Variants in SLC9A6 observed in about 807,000 individuals in gnomAD.
SLC9A6 encodes the protein sodium/hydrogen exchanger 6.
In SLC9A6, 6 loss-of-function variants were observed where a neutral mutation model predicts 45.3. That is an observed-to-expected ratio of 0.13 (90% confidence interval 0.07 to 0.26). The LOEUF is 0.26. Ranked by LOEUF, SLC9A6 falls within the 10% of genes least tolerant of loss-of-function variation. The pLI, the probability that SLC9A6 is intolerant of heterozygous loss-of-function variation, is 1.00. For missense variants in SLC9A6, 278 were observed against 503.7 expected, an observed-to-expected ratio of 0.55 and a Z score of 4.29; for synonymous variants, 191 against 187.7, an observed-to-expected ratio of 1.02 and a Z score of -0.14.
At chrX:136,024,188 G>A in intron 12 of SLC9A6, 142 bp from the exon 13 acceptor site, 1 of 614,017 alleles carries the variant, frequency 1.6e-6, no homozygotes. Context: ...TGCACAGCCT[G>A]GACATATTTA....
At chrX:136,044,173 A>G (rs782246040) in intron 17 of SLC9A6, among the ~76,000 whole-genome samples, 1 of 111,402 alleles carries the variant, frequency 9.0e-6, no homozygotes, top group Admixed American at 9.5e-5. Flanking sequence ...AAGGACCTGA[A>G]GGTAAGAGAA....
At chrX:136,013,237 T>A in intron 9 of SLC9A6, 112 bp from the exon 10 acceptor site, 1 of 779,891 alleles carries the variant, frequency 1.3e-6, no homozygotes, top group Admixed American at 2.3e-5. Flanking sequence ...ACAAAGTAAG[T>A]CACAAATGAG....
intron 2 of SLC9A6, 27 bp downstream of exon 2, chrX:135,985,854 C>A: frequency 1.7e-6 from 2 of 1,208,189 alleles, no homozygotes; most frequent in Non-Finnish European, 2.2e-6. Flanking sequence ...TTGTCAGCCC[C>A]TTGGCGCTGC....
chrX:136,005,632 G>T (rs1186229638), intron 7 of SLC9A6, among the ~76,000 whole-genome samples: 3 of 104,345 alleles, frequency 2.9e-5, no homozygotes, highest in African/African-American at 1.1e-4. Context: ...GGTGACCTGA[G>T]ATCTCGGCAC....
chrX:135,994,028 T>C (rs1184227217), intron 2 of SLC9A6, among the ~76,000 whole-genome samples: 1 of 111,494 alleles, frequency 9.0e-6, no homozygotes, highest in Non-Finnish European at 1.9e-5. Flanking sequence ...GTTTGGCCAG[T>C]CATGTGCTTT....
chrX:136,035,661 A>G (rs1299107575), intron 16 of SLC9A6, among the ~76,000 whole-genome samples: 3 of 112,035 alleles, frequency 2.7e-5, no homozygotes, highest in Admixed American at 9.5e-5. Context: ...CTTTTGGTGG[A>G]CATAGCACTC....
intron 3 of SLC9A6, among the ~76,000 whole-genome samples, chrX:135,997,651 G>A (rs1397441687): frequency 4.3e-5 from 4 of 93,461 alleles, no homozygotes; most frequent in South Asian, 5.1e-4. Context: ...CAGGTGATCC[G>A]CCCATCCGCC....
At chrX:135,974,000 G>A (rs1179667668), upstream of SLC9A6, 5 of 786,041 alleles carry the variant, frequency 6.4e-6, no homozygotes, top group Non-Finnish European at 5.1e-6. Context: ...AAGGGCGCCG[G>A]CAAATGGGGG....
At chrX:135,992,545 T>C (rs1368155497) in intron 2 of SLC9A6, among the ~76,000 whole-genome samples, 3 of 112,115 alleles carry the variant, frequency 2.7e-5, no homozygotes, top group African/African-American at 9.7e-5. Flanking sequence ...CTTGTCACTT[T>C]ATAAGCCAGC....
At position 136,040,127 on chromosome X, in the gene SLC9A6, C is replaced by T. The variant is rs1206221839; in HGVS notation, c.1713C>T (p.Leu571=). The T allele has an allele frequency of 8.3e-7, 1 of 1,209,769 alleles. No individual in the cohort carries two copies. Among genetic ancestry groups the T allele is most frequent in the Non-Finnish European group, 1.1e-6 (1 of 894,923 alleles). ...THSGPPLTTT[L]PACCGPIARC... ...GCGGGCCTCCGCTGACAACAACACT[C>T]CCTGCCTGCTGTGGACCCATCGCCA... The change falls in exon 17 of 18, where the codon CTC becomes CTT. Residue 571 remains leucine (L), a synonymous_variant. Transcript: ENST00000630721.
chrX:135,985,310 G>A (rs2089312388), upstream of SLC9A6: 1 of 298,352 alleles, frequency 3.4e-6, no homozygotes, highest in Non-Finnish European at 5.8e-6. Flanking sequence ...CTGTGGGTGC[G>A]TGTGACCTGG....
At chrX:135,995,941 T>G (rs782063217) in intron 3 of SLC9A6, among the ~76,000 whole-genome samples, 1 of 109,579 alleles carries the variant, frequency 9.1e-6, no homozygotes, top group East Asian at 2.8e-4. Context: ...AACGGCTCAA[T>G]GCCACTTTGC....
At position 135,997,765 on chromosome X, in the gene SLC9A6, A is replaced by G. The variant is rs868937282; in HGVS notation, c.370-343A>G. On this transcript the variant is annotated intron_variant, in intron 3 of 17. Coordinates refer to ENST00000630721, the MANE Select transcript of SLC9A6 (RefSeq NM_001379110.1). Reference sequence around the variant, plus strand: ...TGTTTAGATGGAGTCTTGCTCTGTCACCCAGGCTGGAGTGCAGTGGTGCAG... The same window carrying G: ...TGTTTAGATGGAGTCTTGCTCTGTCGCCCAGGCTGGAGTGCAGTGGTGCAG... 1.3e-4 allele frequency among the ~76,000 whole-genome samples: 13 copies of G among 102,152 alleles called. No individual in the cohort carries two copies. In the South Asian group the frequency reaches 5.9e-3, roughly 46 times the overall value. 88.7% of individuals were successfully genotyped at this position (102,152 alleles called of 115,157 possible). A position where few individuals can be genotyped will look rare whatever the true frequency, so the allele number is the denominator to read the frequency against.
chrX:136,031,387 T>A (rs1277238572), intron 15 of SLC9A6, among the ~76,000 whole-genome samples: 1 of 112,257 alleles, frequency 8.9e-6, no homozygotes, highest in African/African-American at 3.2e-5. Context: ...AGGACCGTTT[T>A]TTTTCCCATA....
chrX:135,994,824 G>A lies in SLC9A6; in HGVS notation c.208G>A (p.Val70Ile), dbSNP rs1315183165. ...VGLVLRYGIHVPSDVNNVTLS... is the reference protein window; with the variant it reads ...VGLVLRYGIHIPSDVNNVTLS... ...CCTTGTGCTTCGGTATGGCATTCAT[G>A]TTCCGAGTGATGTAAATAATGTGAC... The change falls in exon 3 of 18, where the codon GTT (valine) becomes ATT (isoleucine). Residue 70 changes from valine to isoleucine, a missense_variant. Physicochemically the swap from Val to Ile is conservative, Grantham distance 29. Transcript: ENST00000630721. 10 of 1,209,608 alleles carry A rather than the reference G, an allele frequency of 8.3e-6. No homozygotes were observed. The highest frequency in any genetic ancestry group is 1.8e-5 in the African/African-American group (1 of 57,070).
In SLC9A6 at chrX:136,045,042, T is replaced by C. The variant is rs1189474501; in HGVS notation, c.*318T>C. 4.4e-6 allele frequency: 1 copy of C among 227,437 alleles called. No homozygotes were observed. The highest frequency in any genetic ancestry group is 2.8e-5 in the African/African-American group (1 of 35,193). The allele number at this position is 227,437 out of a possible 1,213,427, so 18.7% of individuals were successfully genotyped here. A position where few individuals can be genotyped will look rare whatever the true frequency, so the allele number is the denominator to read the frequency against. On this transcript the variant is annotated 3_prime_UTR_variant, in exon 18 of 18. Transcript: ENST00000630721. ...GGATTTTCTCTTTCTTAAACTTACC[T>C]GACACTTAACCAGAGTACCAGTTCT...
chrX:136,004,948 G>C (rs1262162972), intron 7 of SLC9A6, among the ~76,000 whole-genome samples: 1 of 112,211 alleles, frequency 8.9e-6, no homozygotes, highest in African/African-American at 3.2e-5. Flanking sequence ...CCAGTACGTA[G>C]GTACATGAGC....
Position 136,044,736 on chromosome X carries a change from C to T in SLC9A6, c.*12C>T, listed in dbSNP as rs190788663. 47 of 1,204,813 alleles carry T rather than the reference C, an allele frequency of 3.9e-5. No homozygotes were observed. The Admixed American group carries it at 5.0e-4, about 13-fold the overall frequency. ...ATGGTCCAGCCTAAGCTTACTAATA[C>T]TCACTTAGTGATTTGTAAAATTTGC... On this transcript the variant is annotated 3_prime_UTR_variant, in exon 18 of 18. Coordinates refer to ENST00000630721, the MANE Select transcript of SLC9A6 (RefSeq NM_001379110.1).
chrX:135,995,615 C>T (rs782369929), intron 3 of SLC9A6, among the ~76,000 whole-genome samples: 1 of 112,541 alleles, frequency 8.9e-6, no homozygotes, highest in African/African-American at 3.2e-5. Context: ...TGAGCCACTG[C>T]GCCCAGCCGG....
Sources: allele counts gnomAD v4.1 joint callset (sites outside exome capture counted in the v4.1 genomes callset), GRCh38; gene constraint gnomAD v4.1.1; transcripts MANE v1.5; gene names NCBI Gene and HGNC (gene_info 2026-07-23, HGNC 2026-07-21).